Variants in ZNF697 observed in about 807,000 individuals in gnomAD.
ZNF697 encodes the protein zinc finger protein 697.
A neutral mutation model predicts 32.4 loss-of-function variants in ZNF697; 23 were observed. The ratio of observed to expected loss-of-function variants is 0.71; its 90% confidence interval spans 0.51 to 1.01. The LOEUF (loss-of-function observed/expected upper bound fraction) is 1.01. Among genes scored for constraint, ZNF697 ranks in the 50% least tolerant of loss-of-function variants. The pLI is 0.00. For missense variants in ZNF697, 930 were observed against 794.0 expected, an observed-to-expected ratio of 1.17 and a Z score of -2.06; for synonymous variants, 418 against 337.2, an observed-to-expected ratio of 1.24 and a Z score of -2.62.
intron 1 of ZNF697, among the ~76,000 whole-genome samples, chr1:119,626,676 C>G (rs779783956): frequency 2.0e-5 from 3 of 152,218 alleles, no homozygotes; most frequent in Non-Finnish European, 4.4e-5. Context: ...AAAAGTACAT[C>G]AAGACACAAG....
At chr1:119,638,247 T>G (rs1306294430) in intron 1 of ZNF697, among the ~76,000 whole-genome samples, 1 of 152,204 alleles carries the variant, frequency 6.6e-6, no homozygotes, top group Non-Finnish European at 1.5e-5. Context: ...GAGCCCTAGT[T>G]AAAAACTTAA....
Position 119,648,210 on chromosome 1 carries a change from C to CTGGCTGGT in ZNF697, c.-558_-557insACCAGCCA, listed in dbSNP as rs1418329839. Among the ~76,000 whole-genome samples, 1 of 146,512 alleles carries CTGGCTGGT rather than the reference C, an allele frequency of 6.8e-6. No homozygotes were observed. Among genetic ancestry groups the CTGGCTGGT allele is most frequent in the African/African-American group, 2.7e-5 (1 of 36,702 alleles). On this transcript the variant is annotated 5_prime_UTR_variant, in exon 1 of 3. Transcript: ENST00000421812. ...GCCCGCTGGCTGGCTGGTTGGCTGG[C>CTGGCTGGT]TGGCTGGCTGGCTGGCTGGCTGGCT...
chr1:119,624,395 C>A (rs1295833014), intron 2 of ZNF697, among the ~76,000 whole-genome samples: 3 of 152,056 alleles, frequency 2.0e-5, no homozygotes, highest in African/African-American at 7.2e-5. Context: ...CCTAGCAGAG[C>A]CATCTGAAGG....
Position 119,623,780 on chromosome 1 carries a change from G to A in ZNF697, c.563C>T (p.Pro188Leu). 1 of 1,545,458 alleles carries A rather than the reference G, an allele frequency of 6.5e-7. No homozygotes were observed. The highest frequency in any genetic ancestry group is 8.7e-7 in the Non-Finnish European group (1 of 1,146,426). ...DSLVASIMDA[P>L]TICPDCGESF... The stretch of plus-strand genomic sequence containing the variant: ...CTCCCCGCAGTCGGGGCAGATGGTG[G>A]GCGCGTCCATGATGCTGGCCACCAG... Residue 188 changes from proline to leucine, a missense_variant, in exon 3 of 3, where the codon CCC becomes CTC. Coordinates refer to ENST00000421812, the MANE Select transcript of ZNF697 (RefSeq NM_001080470.2).
Position 119,623,139 on chromosome 1 carries a change from C to A in ZNF697, c.1204G>T (p.Val402Leu), listed in dbSNP as rs754966315. The change falls in exon 3 of 3, where the codon GTG becomes TTG. Residue 402 changes from valine (V) to leucine (L), a missense_variant. Transcript: ENST00000421812. ...ATGTAGGGCTTCTCGCCCGTGTGCACGCGCTGGTGCTTCACCAAGTCCGAG... is the reference window on the plus strand; with the variant it reads ...ATGTAGGGCTTCTCGCCCGTGTGCAAGCGCTGGTGCTTCACCAAGTCCGAG... The part of the protein sequence containing the change: ...WRSDLVKHQR[V>L]HTGEKPYMCS... 6.4e-7 allele frequency: 1 copy of A among 1,568,970 alleles called. No homozygotes were observed. Among genetic ancestry groups the A allele is most frequent in the South Asian group, 1.1e-5 (1 of 87,194 alleles).
chr1:119,623,460 C>A lies in ZNF697; in HGVS notation c.883G>T (p.Gly295Cys). Residue 295 changes from glycine (G) to cysteine (C), a missense_variant, in exon 3 of 3, where the codon GGC becomes TGC. Physicochemically the swap from Gly to Cys is radical, Grantham distance 159. Coordinates refer to ENST00000421812, the MANE Select transcript of ZNF697 (RefSeq NM_001080470.2). Reference sequence around the variant, plus strand: ...TCGGCGCGCCAGCTGAAGCTCTTGCCGCAGTCGGCGCACAGGTTGGGCCGC... The same window carrying A: ...TCGGCGCGCCAGCTGAAGCTCTTGCAGCAGTCGGCGCACAGGTTGGGCCGC... ...GERPNLCADC[G>C]KSFSWRADLL... is the part of the protein sequence containing the mutation. 1.9e-6 allele frequency: 3 copies of A among 1,560,316 alleles called. No homozygotes were observed. The highest frequency in any genetic ancestry group is 2.6e-6 in the Non-Finnish European group (3 of 1,154,806).
At chr1:119,633,881 G>A (rs1557939266) in intron 1 of ZNF697, among the ~76,000 whole-genome samples, 1 of 137,682 alleles carries the variant, frequency 7.3e-6, no homozygotes. Context: ...GAAAAATCAA[G>A]ATTAATCTTA....
At chr1:119,628,457 G>A (rs973633294) in intron 1 of ZNF697, among the ~76,000 whole-genome samples, 2 of 152,200 alleles carry the variant, frequency 1.3e-5, no homozygotes, top group Non-Finnish European at 2.9e-5. Flanking sequence ...GGGAGAACCA[G>A]AGTGAGTTCC....
chr1:119,628,557 A>G (rs1427855374), intron 1 of ZNF697, among the ~76,000 whole-genome samples: 1 of 152,116 alleles, frequency 6.6e-6, no homozygotes, highest in Non-Finnish European at 1.5e-5. Flanking sequence ...CCTGATCCTT[A>G]TTTTCATTTA....
In ZNF697 at chr1:119,623,325, C is replaced by T; in HGVS notation, c.1018G>A (p.Ala340Thr). The T allele has an allele frequency of 7.6e-7, 1 of 1,307,728 alleles. No individual in the cohort carries two copies. The highest frequency in any genetic ancestry group is 9.7e-7 in the Non-Finnish European group (1 of 1,031,174). The allele number at this position is 1,307,728 out of a possible 1,614,324, so 81.0% of individuals were successfully genotyped here. A position where few individuals can be genotyped will look rare whatever the true frequency, so the allele number is the denominator to read the frequency against. Residue 340 changes from alanine (A) to threonine (T), a missense_variant, in exon 3 of 3, where the codon GCG (alanine) becomes ACG (threonine). By Grantham distance (58) the Ala-to-Thr change is moderately conservative (BLOSUM62 0). Coordinates refer to ENST00000421812, the MANE Select transcript of ZNF697 (RefSeq NM_001080470.2). ...GCCGCCCCCGCGCCGCTGGCCGCCG[C>T]GTGCGCGCGCCGGTGGCTCAACAGA... ...SHLLSHRRAH[A>T]AASGAGAAAL... is the part of the protein sequence containing the mutation.
In ZNF697 at chr1:119,623,078, G is replaced by A. The variant is rs199973277; in HGVS notation, c.1265C>T (p.Ser422Leu). The change falls in exon 3 of 3, where the codon TCG becomes TTG. Residue 422 changes from serine (S) to leucine (L), a missense_variant. Ser to Leu is a moderately radical substitution (Grantham distance 145, BLOSUM62 -2). Transcript: ENST00000421812. ...CGTGCGCTTGTGCGTGAAGAGGTGC[G>A]AGCTGACGCTGAAGGTCTCGCCGCA... ...SECGETFSVS[S>L]HLFTHKRTHS... The A allele has an allele frequency of 6.3e-7, 1 of 1,585,534 alleles. No individual in the cohort carries two copies. Among genetic ancestry groups the A allele is most frequent in the East Asian group, 2.3e-5 (1 of 43,058 alleles).
chr1:119,622,977 G>C lies in ZNF697; in HGVS notation c.1366C>G (p.Leu456Val). The C allele has an allele frequency of 1.3e-6, 2 of 1,599,730 alleles. No individual in the cohort carries two copies. Among genetic ancestry groups the C allele is most frequent in the Non-Finnish European group, 1.7e-6 (2 of 1,171,376 alleles). The change falls in exon 3 of 3, where the codon CTG becomes GTG. Residue 456 changes from leucine (L) to valine (V), a missense_variant. Leu to Val is a conservative substitution (Grantham distance 32). Transcript: ENST00000421812. The part of the protein sequence containing the change: ...FGRNSHLVNH[L>V]RVHTGEKPFR... Reference sequence around the variant, plus strand: ...GGCTTCTCGCCGGTGTGCACGCGCAGGTGGTTCACCAGGTGCGAGTTACGC... The same window carrying C: ...GGCTTCTCGCCGGTGTGCACGCGCACGTGGTTCACCAGGTGCGAGTTACGC...
At chr1:119,628,061 C>T (rs114915501) in intron 1 of ZNF697, among the ~76,000 whole-genome samples, 3,413 of 95,554 alleles carry the variant, frequency 0.036, 69 homozygotes, top group Non-Finnish European at 0.049. Flanking sequence ...CAGGCGTTGG[C>T]GGGGCGGGGG....
At chr1:119,634,307 C>A (rs1648863908) in intron 1 of ZNF697, among the ~76,000 whole-genome samples, 1 of 152,212 alleles carries the variant, frequency 6.6e-6, no homozygotes, top group Non-Finnish European at 1.5e-5. Context: ...ACAAAACAAC[C>A]GCTCTTCTAA....
intron 1 of ZNF697, among the ~76,000 whole-genome samples, chr1:119,644,340 A>G (rs1247842044): frequency 6.6e-6 from 1 of 152,212 alleles, no homozygotes; most frequent in Non-Finnish European, 1.5e-5. Context: ...TGGTCATTAG[A>G]GTTTAAGGAC....
chr1:119,623,894 C>T lies in ZNF697; in HGVS notation c.449G>A (p.Gly150Glu). The change falls in exon 3 of 3, where the codon GGG (glycine) becomes GAG (glutamate). Residue 150 changes from glycine to glutamate, a missense_variant. Physicochemically the swap from Gly to Glu is moderately conservative, Grantham distance 98. Transcript: ENST00000421812. ...GGGCTTGTCACCTCGGTGCCGACTCCCCAGGGAGAGATGTCGCCTCCAGGG... is the reference window on the plus strand; with the variant it reads ...GGGCTTGTCACCTCGGTGCCGACTCTCCAGGGAGAGATGTCGCCTCCAGGG... ...VLPWRRHLSL[G>E]SRHRGDKPAH... 6.4e-7 allele frequency: 1 copy of T among 1,552,422 alleles called. No homozygotes were observed. Among genetic ancestry groups the T allele is most frequent in the Non-Finnish European group, 8.7e-7 (1 of 1,147,572 alleles).
chr1:119,621,745 G>A lies in ZNF697; in HGVS notation c.*960C>T, dbSNP rs985414141. On this transcript the variant is annotated 3_prime_UTR_variant, in exon 3 of 3. Coordinates refer to ENST00000421812, the MANE Select transcript of ZNF697 (RefSeq NM_001080470.2). The stretch of plus-strand genomic sequence containing the variant: ...TAAAGGCCAGCAAAACTCTGAGCTA[G>A]TTGACTTTTTAGCAGGTCACTGGGC... 6.6e-6 allele frequency: 1 copy of A among 152,224 alleles called. No homozygotes were observed. Among genetic ancestry groups the A allele is most frequent in the Non-Finnish European group, 1.5e-5 (1 of 68,042 alleles). 9.4% of individuals were successfully genotyped at this position (152,224 alleles called of 1,614,324 possible).
At position 119,622,739 on chromosome 1, in the gene ZNF697, T is replaced by C; in HGVS notation, c.1604A>G (p.His535Arg). ...GTGCAGCTTCTGGTGCTGCGCGAGGTGCGTTTTATAGCGGAAGCCTTTGCC... is the reference window on the plus strand; with the variant it reads ...GTGCAGCTTCTGGTGCTGCGCGAGGCGCGTTTTATAGCGGAAGCCTTTGCC... The part of the protein sequence containing the change: ...GCGKGFRYKT[H>R]LAQHQKLHLC Residue 535 changes from histidine (H) to arginine (R), a missense_variant, in exon 3 of 3, where the codon CAC becomes CGC. Transcript: ENST00000421812. 6.4e-7 allele frequency: 1 copy of C among 1,563,676 alleles called. No homozygotes were observed. The highest frequency in any genetic ancestry group is 8.7e-7 in the Non-Finnish European group (1 of 1,153,954).
chr1:119,626,244 C>G, intron 1 of ZNF697, 107 bp from the exon 2 acceptor site: 1 of 1,408,598 alleles, frequency 7.1e-7, no homozygotes, highest in South Asian at 1.5e-5. Flanking sequence ...TTCCAAGCCC[C>G]AGATGGCAAA....
Sources: gnomAD v4.1 joint callset for allele counts (sites outside exome capture counted in the v4.1 genomes callset) on GRCh38, gnomAD v4.1.1 for gene constraint, MANE v1.5 for transcripts, NCBI Gene and HGNC (gene_info 2026-07-23, HGNC 2026-07-21) for gene names.